Variants in CCDC28A observed in about 807,000 individuals in gnomAD.
The protein encoded by CCDC28A is coiled-coil domain containing 28A, also known as coiled-coil domain-containing protein 28A.
CCDC28A carries 24 observed loss-of-function variants against 22.1 expected under a neutral mutation model. That is an observed-to-expected ratio of 1.09 (90% CI 0.79 to 1.53). The LOEUF (loss-of-function observed/expected upper bound fraction) is 1.53, where lower values mean the gene tolerates loss of function less well. Among genes scored for constraint, CCDC28A ranks in the 40% most tolerant of loss-of-function variants. The pLI is 0.00. For missense variants in CCDC28A, 170 were observed against 210.7 expected, an observed-to-expected ratio of 0.81 and a Z score of 1.20; for synonymous variants, 83 against 74.7, an observed-to-expected ratio of 1.11 and a Z score of -0.57.
intron 5 of CCDC28A, 34 bp from the exon 6 acceptor site, chr6:138,792,715 A>T: frequency 7.2e-7 from 1 of 1,383,266 alleles, no homozygotes; most frequent in Non-Finnish European, 1.0e-6. Flanking sequence ...AGTACCCCTT[A>T]TAGAATGAAA....
At chr6:138,784,437 A>G (rs546914739) in intron 3 of CCDC28A, among the ~76,000 whole-genome samples, 237 of 144,498 alleles carry the variant, frequency 1.6e-3, no homozygotes, top group African/African-American at 5.7e-3. Flanking sequence ...TGCAACCTTC[A>G]CCTGCTGGGC....
intron 4 of CCDC28A, among the ~76,000 whole-genome samples, chr6:138,787,552 A>C (rs536670966): frequency 6.6e-6 from 1 of 152,274 alleles, no homozygotes; most frequent in African/African-American, 2.4e-5. Flanking sequence ...TTTGTAATCT[A>C]TGATGGTTTT....
At chr6:138,781,857 C>T (rs1272997890) in intron 3 of CCDC28A, among the ~76,000 whole-genome samples, 1 of 152,088 alleles carries the variant, frequency 6.6e-6, no homozygotes, top group Non-Finnish European at 1.5e-5. Context: ...TATATTTAAC[C>T]TTGTAAAAGT....
chr6:138,784,858 T>G (rs1775069472), intron 3 of CCDC28A, among the ~76,000 whole-genome samples: 1 of 152,130 alleles, frequency 6.6e-6, no homozygotes, highest in African/African-American at 2.4e-5. Flanking sequence ...CATGCCCAGC[T>G]AATTTTTGTA....
intron 1 of CCDC28A, among the ~76,000 whole-genome samples, chr6:138,775,157 T>A (rs935344357): frequency 6.6e-6 from 1 of 152,206 alleles, no homozygotes; most frequent in African/African-American, 2.4e-5. Context: ...GCCAGGATGG[T>A]CTCGATCTCC....
Position 138,774,837 on chromosome 6 carries a change from A to G in CCDC28A, c.-43+935A>G, listed in dbSNP as rs902516464. ...TTTCTAGAAGGCAATTTACAACCTG[A>G]TGAGGTAGAGATAGCCATATAAATT... On this transcript the variant is annotated intron_variant, in intron 1 of 5. Coordinates refer to ENST00000617445, the MANE Select transcript of CCDC28A (RefSeq NM_015439.3). 2.0e-5 allele frequency among the ~76,000 whole-genome samples: 3 copies of G among 152,380 alleles called. No individual in the cohort carries two copies. The East Asian group carries it at 5.8e-4, about 29-fold the overall frequency.
In CCDC28A at chr6:138,788,374, A is replaced by T; in HGVS notation, c.486A>T (p.Glu162Asp). 8.0e-7 allele frequency: 1 copy of T among 1,254,714 alleles called. No homozygotes were observed. The highest frequency in any genetic ancestry group is 1.1e-6 in the Non-Finnish European group (1 of 910,312). The allele number at this position is 1,254,714 out of a possible 1,614,324, so 77.7% of individuals were successfully genotyped here. The change falls in exon 5 of 6, where the codon GAA becomes GAT. Residue 162 changes from glutamate (E) to aspartate (D), a missense_variant. Physicochemically the swap from Glu to Asp is conservative, Grantham distance 45 (BLOSUM62 2). Coordinates refer to ENST00000617445, the MANE Select transcript of CCDC28A (RefSeq NM_015439.3). ...GTTTCTTTGTTTTACAGTTAGAAGA[A>T]TTGAATTCTTCCATGTATCCTTTGT... ...NLDRLLSDLE[E>D]LNSSIQKLHL...
At chr6:138,787,954 A>G (rs1037106324) in intron 4 of CCDC28A, among the ~76,000 whole-genome samples, 1 of 148,230 alleles carries the variant, frequency 6.7e-6, no homozygotes, top group Non-Finnish European at 1.5e-5. Flanking sequence ...CATTTACAGA[A>G]AGCTTTTTTT....
chr6:138,789,248 A>G (rs1325908597), intron 5 of CCDC28A, among the ~76,000 whole-genome samples: 1 of 152,244 alleles, frequency 6.6e-6, no homozygotes, highest in African/African-American at 2.4e-5. Flanking sequence ...TGCCTATAAA[A>G]TAATTTAATT....
intron 3 of CCDC28A, among the ~76,000 whole-genome samples, chr6:138,784,298 C>G (rs1038526088): frequency 4.6e-5 from 7 of 151,520 alleles, no homozygotes; most frequent in African/African-American, 1.7e-4. Flanking sequence ...TATTATATTA[C>G]TGTTGAAGAA....
In CCDC28A at chr6:138,792,851, T is replaced by C. The variant is rs755245347; in HGVS notation, c.*48T>C. 3.1e-5 allele frequency: 41 copies of C among 1,310,310 alleles called. No individual in the cohort carries two copies. Among genetic ancestry groups the C allele is most frequent in the Non-Finnish European group, 4.4e-5 (40 of 916,872 alleles). 81.2% of individuals were successfully genotyped at this position (1,310,310 alleles called of 1,614,324 possible). A position where few individuals can be genotyped will look rare whatever the true frequency, so the allele number is the denominator to read the frequency against. Reference sequence around the variant, plus strand: ...TGTGATTTGAAGAGAAGCAGCAGTCTTTACTTTTCCAGCCAAATCCAGTAG... The same window carrying C: ...TGTGATTTGAAGAGAAGCAGCAGTCCTTACTTTTCCAGCCAAATCCAGTAG... On this transcript the variant is annotated 3_prime_UTR_variant, in exon 6 of 6. Transcript: ENST00000617445.
intron 3 of CCDC28A, among the ~76,000 whole-genome samples, chr6:138,781,642 T>C (rs1775022354): frequency 6.6e-6 from 1 of 152,262 alleles, no homozygotes; most frequent in African/African-American, 2.4e-5. Context: ...TTTATTACAA[T>C]TGAGTTTGAA....
At chr6:138,777,231 A>G (rs1774949345) in intron 2 of CCDC28A, among the ~76,000 whole-genome samples, 1 of 151,778 alleles carries the variant, frequency 6.6e-6, no homozygotes, top group South Asian at 2.1e-4. Flanking sequence ...TACACCTAAT[A>G]AAAGATGAGA....
At chr6:138,777,946 G>A (rs148354430) in intron 2 of CCDC28A, among the ~76,000 whole-genome samples, 1 of 152,154 alleles carries the variant, frequency 6.6e-6, no homozygotes, top group Non-Finnish European at 1.5e-5. Flanking sequence ...AGTGTGGGAT[G>A]GGGGGCTTCA....
At chr6:138,776,871 T>G (rs1052788174) in intron 2 of CCDC28A, among the ~76,000 whole-genome samples, 5 of 152,108 alleles carry the variant, frequency 3.3e-5, no homozygotes, top group Non-Finnish European at 7.4e-5. Flanking sequence ...ATAAACTGTG[T>G]TTTTTATAAA....
intron 1 of CCDC28A, 27 bp downstream of exon 1, chr6:138,773,929 C>T: frequency 6.2e-7 from 1 of 1,607,998 alleles, no homozygotes; most frequent in Non-Finnish European, 8.5e-7. Flanking sequence ...AAGGAACCTC[C>T]GCAACCTGCC....
intron 3 of CCDC28A, among the ~76,000 whole-genome samples, chr6:138,784,134 G>T (rs1273519769): frequency 6.6e-6 from 1 of 151,734 alleles, no homozygotes; most frequent in African/African-American, 2.4e-5. Context: ...GGATCCGTCA[G>T]CCTTGGCCTC....
chr6:138,776,050 C>T (rs1774926009), intron 1 of CCDC28A, 29 bp from the exon 2 acceptor site: 1 of 1,542,578 alleles, frequency 6.5e-7, no homozygotes, highest in Admixed American at 1.7e-5. Context: ...TTATAGCATA[C>T]ATATATAATT....
At chr6:138,777,677 A>T (rs988020258) in intron 2 of CCDC28A, among the ~76,000 whole-genome samples, 3 of 152,218 alleles carry the variant, frequency 2.0e-5, no homozygotes, top group African/African-American at 7.2e-5. Context: ...TTGTTGAATT[A>T]TGTTAACATA....
Sources: allele counts gnomAD v4.1 joint callset (sites outside exome capture counted in the v4.1 genomes callset), GRCh38; gene constraint gnomAD v4.1.1; transcripts MANE v1.5; gene names NCBI Gene and HGNC (gene_info 2026-07-23, HGNC 2026-07-21).